Variants in NTM observed in about 807,000 individuals in gnomAD.
NTM encodes IgLON family member 2.
Under a neutral mutation model 42.1 loss-of-function variants are expected in NTM, and 13 were observed. The ratio of observed to expected loss-of-function variants is 0.31; its 90% CI spans 0.20 to 0.49. NTM has a LOEUF of 0.49. NTM is among the 20% of genes least tolerant of loss of function. The pLI is 0.99. For synonymous variants in NTM, 187 were observed against 179.2 expected (o/e 1.04, Z -0.35); for missense variants, 373 against 452.8 (o/e 0.82, Z 1.60).
chr11:132,087,693 C>G (rs1395566133), intron 2 of NTM, among the ~76,000 whole-genome samples: 3 of 152,050 alleles, frequency 2.0e-5, no homozygotes, highest in South Asian at 2.1e-4. Context: ...AAAGAAAAAC[C>G]TCTCACATAA....
chr11:131,651,299 T>C (rs1263689276), intron 1 of NTM, among the ~76,000 whole-genome samples: 2 of 152,252 alleles, frequency 1.3e-5, no homozygotes, highest in African/African-American at 4.8e-5. Context: ...TAAATTCTAG[T>C]TGTGTATAGC....
chr11:132,243,072 G>A (rs899938213), intron 4 of NTM, among the ~76,000 whole-genome samples: 1 of 152,184 alleles, frequency 6.6e-6, no homozygotes, highest in South Asian at 2.1e-4. Flanking sequence ...AGCTATAAAG[G>A]TGAGTACTCA....
intron 1 of NTM, among the ~76,000 whole-genome samples, chr11:131,839,377 C>G (rs938810865): frequency 6.6e-6 from 1 of 152,098 alleles, no homozygotes; most frequent in Admixed American, 6.6e-5. Context: ...AGGTTGGTGT[C>G]ATTTATAAGC....
intron 1 of NTM, among the ~76,000 whole-genome samples, chr11:131,881,225 C>T (rs374240356): frequency 5.3e-5 from 8 of 152,210 alleles, no homozygotes; most frequent in African/African-American, 9.6e-5. Context: ...CTCATTCACA[C>T]GCGTTGAGTG....
At chr11:132,304,590 G>A (rs184112078) in intron 4 of NTM, among the ~76,000 whole-genome samples, 213 of 152,238 alleles carry the variant, frequency 1.4e-3, no homozygotes, top group African/African-American at 4.6e-3. Context: ...TCTCCTTTAG[G>A]AACCTGATTT....
chr11:131,667,361 T>C (rs2069249151), intron 1 of NTM, among the ~76,000 whole-genome samples: 1 of 152,212 alleles, frequency 6.6e-6, no homozygotes, highest in South Asian at 2.1e-4. Flanking sequence ...CCTCAGTACC[T>C]TTAATAATTC....
chr11:131,447,141 TCTC>T (rs1950121088), intron 1 of NTM, among the ~76,000 whole-genome samples: 1 of 152,190 alleles, frequency 6.6e-6, no homozygotes, highest in African/African-American at 2.4e-5. Context: ...AGATGAATAT[TCTC>T]CTTTAGAGCA....
chr11:131,996,958 T>C (rs1339080026), intron 2 of NTM, among the ~76,000 whole-genome samples: 2 of 152,204 alleles, frequency 1.3e-5, no homozygotes, highest in African/African-American at 2.4e-5. Context: ...ATCACTGGCT[T>C]CCTACCTTTC....
chr11:132,057,964 G>A (rs892327358), intron 2 of NTM, among the ~76,000 whole-genome samples: 3 of 151,918 alleles, frequency 2.0e-5, no homozygotes, highest in Non-Finnish European at 2.9e-5. Context: ...TCACAAGTCT[G>A]TGCTTGTCTC....
At chr11:132,183,734 G>A (rs1235094630) in intron 3 of NTM, among the ~76,000 whole-genome samples, 1 of 152,134 alleles carries the variant, frequency 6.6e-6, no homozygotes, top group African/African-American at 2.4e-5. Flanking sequence ...GTGGAACTTG[G>A]TGTAAAGTGC....
At chr11:131,800,947 C>T (rs1014544301) in intron 1 of NTM, among the ~76,000 whole-genome samples, 10 of 152,132 alleles carry the variant, frequency 6.6e-5, no homozygotes, top group South Asian at 4.1e-4. Context: ...GGACGTGGCC[C>T]GTGCTCTCCA....
At chr11:132,034,365 G>A (rs1388868651) in intron 2 of NTM, among the ~76,000 whole-genome samples, 3 of 152,160 alleles carry the variant, frequency 2.0e-5, no homozygotes, top group African/African-American at 7.2e-5. Flanking sequence ...TGCTTCACCC[G>A]TCTCAGGGGT....
intron 1 of NTM, among the ~76,000 whole-genome samples, chr11:131,624,768 T>C (rs985263850): frequency 2.0e-5 from 3 of 152,346 alleles, no homozygotes; most frequent in South Asian, 2.1e-4. Flanking sequence ...AGTCCCTCTA[T>C]CTTTGGTTCA....
chr11:132,218,085 AC>A (rs2084293114), intron 4 of NTM, among the ~76,000 whole-genome samples: 1 of 152,090 alleles, frequency 6.6e-6, no homozygotes, highest in South Asian at 2.1e-4. Context: ...TGACTGCAGC[AC>A]CCTGGAACTA....
chr11:131,511,532 C>G (rs1382810130), intron 1 of NTM, among the ~76,000 whole-genome samples: 2 of 152,172 alleles, frequency 1.3e-5, no homozygotes, highest in Non-Finnish European at 2.9e-5. Flanking sequence ...CAATCTGAAG[C>G]CTAAGGTCTC....
At chr11:131,626,600 T>C (rs2063128491) in intron 1 of NTM, among the ~76,000 whole-genome samples, 3 of 152,168 alleles carry the variant, frequency 2.0e-5, no homozygotes, top group African/African-American at 7.2e-5. Context: ...CAACAAACAT[T>C]GCAAACCAGG....
At chr11:131,917,655 A>G (rs1286013071) in intron 2 of NTM, among the ~76,000 whole-genome samples, 1 of 152,202 alleles carries the variant, frequency 6.6e-6, no homozygotes, top group South Asian at 2.1e-4. Context: ...TTGTGGTGGT[A>G]TAACTATTGA....
At chr11:132,091,141 G>GCA (rs1222339059) in intron 2 of NTM, among the ~76,000 whole-genome samples, 29 of 152,106 alleles carry the variant, frequency 1.9e-4, no homozygotes, top group African/African-American at 7.0e-4. Flanking sequence ...TATAATCCTA[G>GCA]CACTTTCGGA....
chr11:132,107,280 G>C (rs1384141512), intron 2 of NTM, among the ~76,000 whole-genome samples: 1 of 139,802 alleles, frequency 7.2e-6, no homozygotes, highest in Admixed American at 7.3e-5. Context: ...ACATCTTGAA[G>C]TTTTCATGTG....
Sources: gnomAD v4.1 joint callset for allele counts (sites outside exome capture counted in the v4.1 genomes callset) on GRCh38, gnomAD v4.1.1 for gene constraint, MANE v1.5 for transcripts, NCBI Gene and HGNC (gene_info 2026-07-23, HGNC 2026-07-21) for gene names.